Variants in OPTN observed in about 807,000 individuals in gnomAD.
OPTN encodes the protein E3-14.7K-interacting protein.
A neutral mutation model predicts 70.4 loss-of-function variants in OPTN; 54 were observed. The ratio of observed to expected loss-of-function variants is 0.77; its 90% CI spans 0.62 to 0.96. The LOEUF is 0.96. Among genes scored for constraint, OPTN ranks in the 40% least tolerant of loss-of-function variants. OPTN has a pLI of 0.00. For missense variants in OPTN, 624 were observed against 673.2 expected (o/e 0.93, Z 0.81); for synonymous variants, 256 against 248.5 (o/e 1.03, Z -0.28).
At chr10:13,108,804 C>T (rs1832925100) in intron 2 of OPTN, among the ~76,000 whole-genome samples, 1 of 152,134 alleles carries the variant, frequency 6.6e-6, no homozygotes, top group East Asian at 1.9e-4. Context: ...CCTCGGCCTC[C>T]CAAAGTGCTG....
intron 10 of OPTN, 104 bp from the exon 11 acceptor site, chr10:13,125,842 C>T (rs1346439036): frequency 1.0e-4 from 92 of 887,570 alleles, no homozygotes; most frequent in East Asian, 1.3e-4. Context: ...TAAAGGTAGG[C>T]GAGAAGATTT....
At position 13,112,481 on chromosome 10, in the gene OPTN, G is replaced by C. The variant is rs1269604352; in HGVS notation, c.398G>C (p.Arg133Thr). The change falls in exon 5 of 15, where the codon AGG (arginine) becomes ACG (threonine). Residue 133 changes from arginine to threonine, a missense_variant. Arg to Thr is a moderately conservative substitution (Grantham distance 71). Coordinates refer to ENST00000378747, the MANE Select transcript of OPTN (RefSeq NM_001008212.2). ...EDPTDDSRLPRAEAEQEKDQL... is the reference protein window; with the variant it reads ...EDPTDDSRLPTAEAEQEKDQL... The stretch of plus-strand genomic sequence containing the variant: ...CCCACTGATGACTCCAGGCTTCCCA[G>C]GGCCGAAGCGGAGCAGGAAAAGGAC... The C allele has an allele frequency of 6.2e-7, 1 of 1,614,006 alleles. No individual in the cohort carries two copies. The highest frequency in any genetic ancestry group is 8.5e-7 in the Non-Finnish European group (1 of 1,180,022).
At chr10:13,128,690 G>A (rs1002427255) in intron 12 of OPTN, among the ~76,000 whole-genome samples, 3 of 151,074 alleles carry the variant, frequency 2.0e-5, no homozygotes, top group Non-Finnish European at 4.4e-5. Context: ...CTACAGGCAT[G>A]TGCCAACATG....
chr10:13,128,519 T>C (rs1261064798), intron 12 of OPTN, among the ~76,000 whole-genome samples: 2 of 114,754 alleles, frequency 1.7e-5, no homozygotes, highest in East Asian at 5.9e-4. Flanking sequence ...TTTTTTTTTT[T>C]TTTTTTTTTT....
At chr10:13,130,935 T>G (rs1277682049) in intron 12 of OPTN, among the ~76,000 whole-genome samples, 1 of 152,188 alleles carries the variant, frequency 6.6e-6, no homozygotes, top group Non-Finnish European at 1.5e-5. Context: ...GTTTTGTTTT[T>G]TGAGGCAGGG....
At chr10:13,115,092 T>TA (rs200980497) in intron 5 of OPTN, among the ~76,000 whole-genome samples, 60,349 of 79,838 alleles carry the variant, frequency 0.76, 23,570 homozygotes, top group Middle Eastern at 0.9. Context: ...GATATATCTA[T>TA]TTTATATATT....
intron 2 of OPTN, 168 bp from the exon 3 acceptor site, chr10:13,108,944 A>T (rs1310081148): frequency 4.2e-6 from 3 of 708,274 alleles, no homozygotes; most frequent in Admixed American, 2.0e-5. Context: ...AGCTACATAT[A>T]CCTTTTTTGT....
In OPTN at chr10:13,114,796, A is replaced by ATATATACGTACATATAATTATATAATTT. The variant is rs1564358743; in HGVS notation, c.553-1464_553-1463insGTACATATAATTATATAATTTTATATAC. ...TATATAATTATATAATTATATAATT[A>ATATATACGTACATATAATTATATAATTT]TATATACATATATATAATTATATAA... On this transcript the variant is annotated intron_variant, in intron 5 of 14. Coordinates refer to ENST00000378747, the MANE Select transcript of OPTN (RefSeq NM_001008212.2). Among the ~76,000 whole-genome samples the ATATATACGTACATATAATTATATAATTT allele has an allele frequency of 2.9e-4, 25 of 86,928 alleles. 1 individual carries two copies. The highest frequency in any genetic ancestry group is 1.1e-3 in the African/African-American group (24 of 22,118). 57.0% of individuals were successfully genotyped at this position (86,928 alleles called of 152,430 possible).
intron 12 of OPTN, among the ~76,000 whole-genome samples, chr10:13,128,260 A>G (rs1833510680): frequency 6.6e-6 from 1 of 152,108 alleles, no homozygotes; most frequent in Non-Finnish European, 1.5e-5. Context: ...TTTAACAGGT[A>G]ATGCCAAACA....
chr10:13,108,544 CTTT>C (rs34105780), intron 2 of OPTN, among the ~76,000 whole-genome samples: 22 of 139,414 alleles, frequency 1.6e-4, no homozygotes, highest in Non-Finnish European at 1.9e-4. Context: ...TTATTGTACC[CTTT>C]TTTTTTTTTT....
intron 8 of OPTN, among the ~76,000 whole-genome samples, chr10:13,123,401 T>A (rs1427731291): frequency 6.6e-6 from 1 of 152,212 alleles, no homozygotes; most frequent in African/African-American, 2.4e-5. Context: ...CTATTGTATG[T>A]CAGGAGACTG....
At chr10:13,115,137 T>TA (rs1254817415) in intron 5 of OPTN, among the ~76,000 whole-genome samples, 2 of 98,944 alleles carry the variant, frequency 2.0e-5, no homozygotes, top group African/African-American at 4.1e-5. Flanking sequence ...AAATTTATAA[T>TA]ATAGATATAT....
chr10:13,136,209 A>G (rs1295087864), intron 14 of OPTN, among the ~76,000 whole-genome samples: 1 of 151,758 alleles, frequency 6.6e-6, no homozygotes, highest in Admixed American at 6.6e-5. Context: ...AGTAAAGAAA[A>G]GAAAAAAATC....
chr10:13,132,987 A>C (rs1833625224), intron 13 of OPTN, among the ~76,000 whole-genome samples: 1 of 152,084 alleles, frequency 6.6e-6, no homozygotes, highest in African/African-American at 2.4e-5. Flanking sequence ...CCATCATTAT[A>C]TTCCTTTCTT....
intron 12 of OPTN, among the ~76,000 whole-genome samples, chr10:13,130,461 C>G (rs1833572699): frequency 7.2e-6 from 1 of 138,776 alleles, no homozygotes; most frequent in African/African-American, 2.7e-5. Flanking sequence ...AAATCAGACA[C>G]TGTTCTTACT....
At chr10:13,111,917 G>A (rs193222991) in intron 4 of OPTN, among the ~76,000 whole-genome samples, 15 of 130,902 alleles carry the variant, frequency 1.1e-4, no homozygotes, top group Non-Finnish European at 1.7e-4. Context: ...GCATAATCTC[G>A]GCTCACTGCA....
intron 6 of OPTN, 47 bp from the exon 7 acceptor site, chr10:13,118,841 C>T (rs1262768561): frequency 2.6e-6 from 4 of 1,567,368 alleles, no homozygotes; most frequent in Non-Finnish European, 3.5e-6. Context: ...TCTTCTTAGT[C>T]TTTGGAATTT....
chr10:13,112,391 G>A (rs1307357476), intron 4 of OPTN, 62 bp from the exon 5 acceptor site: 34 of 1,513,470 alleles, frequency 2.2e-5, no homozygotes, highest in South Asian at 4.5e-5. Context: ...TTAAGGGCAT[G>A]AGCCCATGGT....
chr10:13,124,235 T>C (rs1833412430), intron 9 of OPTN, 125 bp downstream of exon 9: 1 of 630,368 alleles, frequency 1.6e-6, no homozygotes, highest in African/African-American at 1.9e-5. Context: ...CTAATTAAAA[T>C]ATAAATTCAG....
Sources: allele counts gnomAD v4.1 joint callset (sites outside exome capture counted in the v4.1 genomes callset), GRCh38; gene constraint gnomAD v4.1.1; transcripts MANE v1.5; gene names NCBI Gene and HGNC (gene_info 2026-07-23, HGNC 2026-07-21).